Variants in PDE1C observed in about 807,000 individuals in gnomAD.
The protein encoded by PDE1C is phosphodiesterase 1C.
A neutral mutation model predicts 93.1 loss-of-function variants in PDE1C; 62 were observed. The ratio of observed to expected loss-of-function variants is 0.67; its 90% CI spans 0.54 to 0.82. The LOEUF is 0.82. Among genes scored for constraint, PDE1C ranks in the 40% least tolerant of loss-of-function variants. The pLI, the probability that PDE1C is intolerant of heterozygous loss-of-function variation, is 0.00. For synonymous variants in PDE1C, 325 were observed against 310.1 expected (o/e 1.05, Z -0.50); for missense variants, 742 against 884.6 (o/e 0.84, Z 2.04).
intron 2 of PDE1C, among the ~76,000 whole-genome samples, chr7:31,994,969 T>C (rs1784549110): frequency 1.3e-5 from 2 of 151,988 alleles, no homozygotes; most frequent in Admixed American, 1.3e-4. Flanking sequence ...ACAACTTGGG[T>C]CCTTAACCAT....
intron 1 of PDE1C, among the ~76,000 whole-genome samples, chr7:32,238,364 C>T (rs1031574868): frequency 1.3e-5 from 2 of 152,122 alleles, no homozygotes; most frequent in Admixed American, 6.6e-5. Context: ...GATATTGATC[C>T]TCTTCATGAA....
chr7:32,272,535 G>A (rs561995717), intron 1 of PDE1C, among the ~76,000 whole-genome samples: 1 of 152,308 alleles, frequency 6.6e-6, no homozygotes, highest in African/African-American at 2.4e-5. Context: ...GATTTATTAC[G>A]CTGTAAAAAC....
intron 1 of PDE1C, among the ~76,000 whole-genome samples, chr7:32,233,349 C>T (rs2128864011): frequency 6.6e-6 from 1 of 152,114 alleles, no homozygotes; most frequent in South Asian, 2.1e-4. Context: ...CAATAACATG[C>T]TAAATGTAAG....
chr7:32,314,736 A>G (rs1783132279), intron 1 of PDE1C, among the ~76,000 whole-genome samples: 2 of 152,122 alleles, frequency 1.3e-5, no homozygotes, highest in Admixed American at 1.3e-4. Flanking sequence ...AGAATTACCG[A>G]GAGCACCAAG....
intron 9 of PDE1C, 68 bp downstream of exon 9, chr7:31,847,899 AC>A: frequency 6.5e-7 from 1 of 1,538,634 alleles, no homozygotes; most frequent in Non-Finnish European, 8.9e-7. Flanking sequence ...TTTCTCAAAA[AC>A]AGCATACTTC....
At chr7:31,686,127 G>A in the PDE1C span, among the ~76,000 whole-genome samples, 1 of 152,210 alleles carries the variant, frequency 6.6e-6, no homozygotes, top group Non-Finnish European at 1.5e-5. Context: ...TGTGTGGATG[G>A]TGCTCACGTA....
chr7:32,358,399 G>A (rs1208937662), intron 1 of PDE1C, among the ~76,000 whole-genome samples: 1 of 152,222 alleles, frequency 6.6e-6, no homozygotes, highest in Admixed American at 6.5e-5. Flanking sequence ...TCAAACAGCA[G>A]CCCCTCTCAA....
intron 1 of PDE1C, among the ~76,000 whole-genome samples, chr7:32,306,941 G>C (rs1813019040): frequency 6.6e-6 from 1 of 152,178 alleles, no homozygotes. Flanking sequence ...GTGTCAAATT[G>C]CCATTAGAAA....
chr7:32,133,116 A>T (rs1800011987), intron 3 of PDE1C, among the ~76,000 whole-genome samples: 1 of 152,134 alleles, frequency 6.6e-6, no homozygotes, highest in Non-Finnish European at 1.5e-5. Flanking sequence ...CTGAAAAGCT[A>T]GGGTGAGGGT....
intron 1 of PDE1C, among the ~76,000 whole-genome samples, chr7:32,363,163 G>A (rs1784167833): frequency 6.6e-6 from 1 of 152,176 alleles, no homozygotes; most frequent in African/African-American, 2.4e-5. Context: ...GTATTTTTTA[G>A]AAAGGGGGCA....
intron 9 of PDE1C, among the ~76,000 whole-genome samples, chr7:31,839,839 C>G (rs904300864): frequency 1.3e-4 from 20 of 152,158 alleles, no homozygotes; most frequent in African/African-American, 4.6e-4. Context: ...GAGTTCGAGA[C>G]TAGCCTGACC....
chr7:32,328,778 C>T (rs1783453753), intron 1 of PDE1C, among the ~76,000 whole-genome samples: 1 of 152,232 alleles, frequency 6.6e-6, no homozygotes, highest in African/African-American at 2.4e-5. Context: ...CTTACACAAT[C>T]TCCACATAGC....
At chr7:32,123,052 T>C (rs1268327098) in intron 3 of PDE1C, among the ~76,000 whole-genome samples, 2 of 152,012 alleles carry the variant, frequency 1.3e-5, no homozygotes, top group African/African-American at 2.4e-5. Context: ...CCCACAGAAA[T>C]ACAAACTACC....
At chr7:31,757,149 T>A (rs1249642214) in intron 17 of PDE1C, among the ~76,000 whole-genome samples, 1 of 152,214 alleles carries the variant, frequency 6.6e-6, no homozygotes, top group East Asian at 1.9e-4. Context: ...TACAGATGAC[T>A]ACTAACAAAA....
At chr7:31,901,696 G>C (rs1214341017) in intron 2 of PDE1C, among the ~76,000 whole-genome samples, 3 of 151,286 alleles carry the variant, frequency 2.0e-5, no homozygotes, top group East Asian at 3.9e-4. Flanking sequence ...GTAATTTTAT[G>C]TCTTGTCCTA....
At chr7:32,280,832 A>G (rs1022796426) in intron 1 of PDE1C, among the ~76,000 whole-genome samples, 10 of 152,202 alleles carry the variant, frequency 6.6e-5, no homozygotes, top group African/African-American at 2.4e-4. Context: ...CAAAAATCAA[A>G]AAATTATCAG....
downstream of PDE1C, among the ~76,000 whole-genome samples, chr7:31,747,447 G>A (rs1029804114): frequency 1.3e-5 from 2 of 152,096 alleles, no homozygotes; most frequent in African/African-American, 2.4e-5. Context: ...TTTTGAAACC[G>A]ACTATGCTAG....
intron 2 of PDE1C, among the ~76,000 whole-genome samples, chr7:32,038,081 T>A (rs1185502081): frequency 6.6e-6 from 1 of 152,212 alleles, no homozygotes; most frequent in Non-Finnish European, 1.5e-5. Flanking sequence ...CACAGATCTA[T>A]GCATTGCAGA....
chr7:31,943,921 C>T (rs1263376997), intron 2 of PDE1C, among the ~76,000 whole-genome samples: 3 of 152,136 alleles, frequency 2.0e-5, no homozygotes, highest in African/African-American at 7.2e-5. Context: ...TAAAGAATCT[C>T]ATCAGGCAAA....
Sources: gnomAD v4.1 joint callset for allele counts (sites outside exome capture counted in the v4.1 genomes callset) on GRCh38, gnomAD v4.1.1 for gene constraint, MANE v1.5 for transcripts, NCBI Gene and HGNC (gene_info 2026-07-23, HGNC 2026-07-21) for gene names.